Variants in ERP29 observed in about 807,000 individuals in gnomAD.
ERP29 encodes the protein endoplasmic reticulum resident protein 29.
In ERP29, 14 loss-of-function variants were observed where a neutral mutation model predicts 21.7. The observed-to-expected ratio is 0.64, with a 90% confidence interval of 0.43 to 1.01. The LOEUF is 1.01. Ranked by LOEUF, ERP29 falls within the 50% of genes least tolerant of loss-of-function variation. The probability of loss-of-function intolerance (pLI) is 0.00; values close to 1 mark genes in which losing one functional copy is unlikely to be tolerated. For synonymous variants in ERP29, 129 were observed against 139.1 expected, an observed-to-expected ratio of 0.93 and a Z score of 0.51; for missense variants, 286 against 327.3, an observed-to-expected ratio of 0.87 and a Z score of 0.97.
At position 112,022,234 on chromosome 12, in the gene ERP29, A is replaced by G. The variant is rs1354274865; in HGVS notation, c.368A>G (p.Asp123Gly). 1.9e-6 allele frequency: 3 copies of G among 1,613,996 alleles called. No homozygotes were observed. The highest frequency in any genetic ancestry group is 2.2e-5 in the South Asian group (2 of 91,074). The part of the protein sequence containing the change: ...ESYPVFYLFR[D>G]GDFENPVPYT... ...TACCCAGTCTTCTACCTCTTCCGGG[A>G]TGGGGACTTTGAGAACCCAGTCCCA... is the stretch of plus-strand genomic sequence containing the variant. Residue 123 changes from aspartate to glycine, a missense_variant, in exon 3 of 3, where the codon GAT becomes GGT. Physicochemically the swap from Asp to Gly is moderately conservative, Grantham distance 94. Coordinates refer to ENST00000261735, the MANE Select transcript of ERP29 (RefSeq NM_006817.4).
chr12:112,016,237 A>C (rs534069241), intron 1 of ERP29, among the ~76,000 whole-genome samples: 3 of 152,242 alleles, frequency 2.0e-5, no homozygotes, highest in Non-Finnish European at 4.4e-5. Flanking sequence ...CGTTTTCTCC[A>C]GTCTCTTTTC....
At chr12:112,019,670 A>G (rs749435034) in intron 1 of ERP29, 86 bp from the exon 2 acceptor site, 4 of 1,503,178 alleles carry the variant, frequency 2.7e-6, no homozygotes, top group African/African-American at 1.4e-5. Context: ...TTTCCACTCT[A>G]TTTCTTAAAC....
intron 1 of ERP29, among the ~76,000 whole-genome samples, chr12:112,017,790 T>C (rs569031582): frequency 1.9e-4 from 28 of 147,658 alleles, no homozygotes; most frequent in African/African-American, 7.0e-4. Flanking sequence ...TTTCTTTTTT[T>C]TTTTTTTTTT....
intron 1 of ERP29, among the ~76,000 whole-genome samples, chr12:112,016,508 A>G (rs2078013403): frequency 6.6e-6 from 1 of 152,236 alleles, no homozygotes; most frequent in Non-Finnish European, 1.5e-5. Flanking sequence ...GAACTTATCT[A>G]TACTTTAAAG....
At chr12:112,016,207 T>A (rs1473477906) in intron 1 of ERP29, among the ~76,000 whole-genome samples, 6 of 152,260 alleles carry the variant, frequency 3.9e-5, no homozygotes, top group Non-Finnish European at 8.8e-5. Context: ...AATAACTATT[T>A]TGTTGCGTGA....
chr12:112,022,054 A>T (rs2078050462), intron 2 of ERP29, 96 bp from the exon 3 acceptor site: 1 of 1,301,458 alleles, frequency 7.7e-7, no homozygotes, highest in Non-Finnish European at 1.1e-6. Flanking sequence ...ACGGCCAAGA[A>T]AATTCTTCTT....
At chr12:112,014,075 G>T in intron 1 of ERP29, among the ~76,000 whole-genome samples, 1 of 152,144 alleles carries the variant, frequency 6.6e-6, no homozygotes, top group East Asian at 1.9e-4. Context: ...GGGTTGGATT[G>T]CAGCCTGCTT....
In ERP29 at chr12:112,013,553, G is replaced by A. The variant is rs1278227057; in HGVS notation, c.88G>A (p.Gly30Ser). The change falls in exon 1 of 3, where the codon GGC becomes AGC. Residue 30 changes from glycine to serine, a missense_variant. Gly to Ser is a moderately conservative substitution (Grantham distance 56). Transcript: ENST00000261735. ...CCTGCTCCTCTCCGCTCCGCATGGC[G>A]GCAGCGGCCTGCACACCAAGGGCGC... ...GFLLLSAPHGGSGLHTKGALP... is the reference protein window; with the variant it reads ...GFLLLSAPHGSSGLHTKGALP... The A allele has an allele frequency of 1.9e-6, 3 of 1,612,328 alleles. No individual in the cohort carries two copies. Among genetic ancestry groups the A allele is most frequent in the African/African-American group, 1.3e-5 (1 of 74,898 alleles).
At chr12:112,021,515 CTTTTT>C (rs1164185865) in intron 2 of ERP29, among the ~76,000 whole-genome samples, 54 of 70,038 alleles carry the variant, frequency 7.7e-4, no homozygotes, top group Admixed American at 5.0e-3. Context: ...GCTTAATAGT[CTTTTT>C]TTTTTTTTTT....
At chr12:112,014,838 T>A (rs769035357) in intron 1 of ERP29, 2 of 152,292 alleles carry the variant, frequency 1.3e-5, no homozygotes, top group Non-Finnish European at 2.9e-5. Flanking sequence ...TTTCAAGCGT[T>A]CCCTGTCGTG....
At chr12:112,013,921 G>A (rs553870353) in intron 1 of ERP29, among the ~76,000 whole-genome samples, 1 of 152,332 alleles carries the variant, frequency 6.6e-6, no homozygotes, top group Non-Finnish European at 1.5e-5. Flanking sequence ...GGTGCCTGGC[G>A]AGATCCAACC....
At chr12:112,019,286 G>A (rs2078030624) in intron 1 of ERP29, 1 of 209,698 alleles carries the variant, frequency 4.8e-6, no homozygotes, top group African/African-American at 2.3e-5. Flanking sequence ...GAAATTGCTG[G>A]GTTCAAACTC....
Position 112,022,378 on chromosome 12 carries a change from C to T in ERP29, c.512C>T (p.Ala171Val), listed in dbSNP as rs201100555. The change falls in exon 3 of 3, where the codon GCC (alanine) becomes GTC (valine). Residue 171 changes from alanine to valine, a missense_variant. Coordinates refer to ENST00000261735, the MANE Select transcript of ERP29 (RefSeq NM_006817.4). ...GCCCTGGCCGGGGAGTTCATCAGGG[C>T]CTCTGGTGTGGAGGCCCGCCAGGCC... ...YDALAGEFIR[A>V]SGVEARQALL... The T allele has an allele frequency of 9.9e-6, 16 of 1,614,140 alleles. No homozygotes were observed. The highest frequency in any genetic ancestry group is 4.5e-5 in the East Asian group (2 of 44,880).
chr12:112,022,037 C>T (rs1479535423), intron 2 of ERP29, 113 bp from the exon 3 acceptor site: 2 of 1,052,292 alleles, frequency 1.9e-6, no homozygotes, highest in Non-Finnish European at 2.8e-6. Context: ...TCACTTTGAA[C>T]CATTACACGG....
intron 1 of ERP29, chr12:112,019,453 C>A: frequency 2.4e-6 from 1 of 410,978 alleles, no homozygotes; most frequent in Non-Finnish European, 4.6e-6. Flanking sequence ...GTCTCCTTCA[C>A]CTAACTGAAA....
chr12:112,019,578 G>A, intron 1 of ERP29, 178 bp from the exon 2 acceptor site: 1 of 707,052 alleles, frequency 1.4e-6, no homozygotes, highest in South Asian at 1.6e-5. Context: ...GCATGTTGCT[G>A]GCACTCACTA....
At chr12:112,013,746 A>C (rs917467262) in intron 1 of ERP29, 137 bp downstream of exon 1, 1 of 951,408 alleles carries the variant, frequency 1.1e-6, no homozygotes, top group South Asian at 1.8e-5. Flanking sequence ...CCGGCGTCCT[A>C]CAGGCCTAGT....
At chr12:112,018,415 G>C (rs769552832) in intron 1 of ERP29, among the ~76,000 whole-genome samples, 2 of 152,134 alleles carry the variant, frequency 1.3e-5, no homozygotes, top group Non-Finnish European at 2.9e-5. Flanking sequence ...TGAGATTACA[G>C]GTGTGAGCCA....
intron 2 of ERP29, 115 bp downstream of exon 2, chr12:112,020,009 G>T: frequency 7.7e-7 from 1 of 1,293,810 alleles, no homozygotes; most frequent in Non-Finnish European, 1.1e-6. Flanking sequence ...CTCAAGGAGT[G>T]TAAGTAAACA....
Sources: gnomAD v4.1 joint callset for allele counts (sites outside exome capture counted in the v4.1 genomes callset) on GRCh38, gnomAD v4.1.1 for gene constraint, MANE v1.5 for transcripts, NCBI Gene and HGNC (gene_info 2026-07-23, HGNC 2026-07-21) for gene names.